The following DEPDC1B variants were observed in gnomAD, a reference collection of about 807,000 sequenced individuals.
DEPDC1B encodes DEP domain containing 1B.
In DEPDC1B, 51 loss-of-function variants were observed where a neutral mutation model predicts 66.5. The ratio of observed to expected loss-of-function variants is 0.77; its 90% confidence interval spans 0.61 to 0.97. The LOEUF is 0.97. Ranked by LOEUF, DEPDC1B falls within the 50% of genes least tolerant of loss-of-function variation. The probability of loss-of-function intolerance (pLI) is 0.00; values close to 1 mark genes in which losing one functional copy is unlikely to be tolerated. For missense variants in DEPDC1B, 552 were observed against 637.1 expected (o/e 0.87, Z 1.44); for synonymous variants, 226 against 223.6 (o/e 1.01, Z -0.10).
intron 7 of DEPDC1B, among the ~76,000 whole-genome samples, chr5:60,619,605 G>A (rs1752653166): frequency 6.6e-6 from 1 of 152,164 alleles, no homozygotes; most frequent in Non-Finnish European, 1.5e-5. Flanking sequence ...CCTCTTCAAG[G>A]AGAACTACAA....
At chr5:60,640,568 T>A (rs1427912502) in intron 6 of DEPDC1B, among the ~76,000 whole-genome samples, 1 of 152,236 alleles carries the variant, frequency 6.6e-6, no homozygotes, top group Admixed American at 6.5e-5. Context: ...GTCTATTTTT[T>A]ATTGAATCCT....
At chr5:60,678,455 A>G (rs1754221171) in intron 2 of DEPDC1B, among the ~76,000 whole-genome samples, 1 of 152,224 alleles carries the variant, frequency 6.6e-6, no homozygotes, top group African/African-American at 2.4e-5. Context: ...CATATAGTCA[A>G]TGTACTTATT....
chr5:60,660,030 A>G (rs1454341743), intron 2 of DEPDC1B, among the ~76,000 whole-genome samples: 1 of 152,204 alleles, frequency 6.6e-6, no homozygotes, highest in East Asian at 1.9e-4. Flanking sequence ...ATAATAGATC[A>G]GGATGAAAAT....
At position 60,700,111 on chromosome 5, in the gene DEPDC1B, G is replaced by T; in HGVS notation, c.-18C>A. On this transcript the variant is annotated 5_prime_UTR_variant, in exon 1 of 11. Coordinates refer to ENST00000265036, the MANE Select transcript of DEPDC1B (RefSeq NM_018369.3). ...TGCTCCATGGCGCGTAGGCAGCAGC[G>T]GCCGCAGCCGCGCCAGCGCTGATCC... The T allele has an allele frequency of 2.6e-6, 4 of 1,543,830 alleles. No individual in the cohort carries two copies. Among genetic ancestry groups the T allele is most frequent in the Non-Finnish European group, 3.5e-6 (4 of 1,147,016 alleles).
At chr5:60,683,146 T>C (rs1754335413) in intron 2 of DEPDC1B, among the ~76,000 whole-genome samples, 1 of 152,124 alleles carries the variant, frequency 6.6e-6, no homozygotes, top group Admixed American at 6.5e-5. Context: ...TATACACAAA[T>C]CTGCCAGGCA....
At chr5:60,615,482 G>A (rs1181000770) in intron 7 of DEPDC1B, among the ~76,000 whole-genome samples, 1 of 152,164 alleles carries the variant, frequency 6.6e-6, no homozygotes, top group Non-Finnish European at 1.5e-5. Flanking sequence ...TTAGCAAATG[G>A]CACACCAGGA....
intron 2 of DEPDC1B, among the ~76,000 whole-genome samples, chr5:60,667,656 CATGTATATAATGGATATTTTACAT>C (rs1471795961): frequency 3.2e-5 from 3 of 93,812 alleles, no homozygotes; most frequent in Non-Finnish European, 4.6e-5. Flanking sequence ...GGATATTTTA[CATGTATATAATGGATATTTTACAT>C]GTATATAATG....
At chr5:60,620,615 G>A (rs1752679094) in intron 7 of DEPDC1B, among the ~76,000 whole-genome samples, 1 of 152,142 alleles carries the variant, frequency 6.6e-6, no homozygotes, top group African/African-American at 2.4e-5. Context: ...AGTTAGAATG[G>A]CGATCATTAA....
chr5:60,604,691 A>C (rs1014692188), intron 8 of DEPDC1B, among the ~76,000 whole-genome samples: 2 of 152,248 alleles, frequency 1.3e-5, no homozygotes, highest in African/African-American at 2.4e-5. Flanking sequence ...ACTTACATTT[A>C]CATGTACAGA....
chr5:60,651,731 AGTT>A (rs1032071491), intron 2 of DEPDC1B, among the ~76,000 whole-genome samples: 1 of 152,134 alleles, frequency 6.6e-6, no homozygotes, highest in African/African-American at 2.4e-5. Context: ...ACAGTAAGGA[AGTT>A]GTTGTGAAAC....
chr5:60,608,833 G>C lies in DEPDC1B; in HGVS notation c.899-2977C>G, dbSNP rs1201283091. Among the ~76,000 whole-genome samples, 4 of 152,126 alleles carry C rather than the reference G, an allele frequency of 2.6e-5. No individual in the cohort carries two copies. The East Asian group carries it at 7.7e-4, about 29-fold the overall frequency. ...CTTTATGAAAATTAAATGAGGCTAG[G>C]CATGGTGGCTTACACCTATAATCTC... On this transcript the variant is annotated intron_variant, in intron 7 of 10. Transcript: ENST00000265036.
intron 2 of DEPDC1B, among the ~76,000 whole-genome samples, chr5:60,683,444 A>AG (rs1359677514): frequency 6.6e-6 from 1 of 152,170 alleles, no homozygotes; most frequent in African/African-American, 2.4e-5. Context: ...AAAGAAAGAG[A>AG]GAATGCAGTG....
intron 7 of DEPDC1B, among the ~76,000 whole-genome samples, chr5:60,632,694 C>T (rs1752952677): frequency 6.6e-6 from 1 of 152,242 alleles, no homozygotes; most frequent in African/African-American, 2.4e-5. Flanking sequence ...ATGTGACCAC[C>T]AGGGACCACT....
In DEPDC1B at chr5:60,655,463, A is replaced by G. The variant is rs559691408; in HGVS notation, c.315-7930T>C. On this transcript the variant is annotated intron_variant, in intron 2 of 10. Coordinates refer to ENST00000265036, the MANE Select transcript of DEPDC1B (RefSeq NM_018369.3). ...TGATCTTTTGTATTTATATGGTATC[A>G]GTTGTAATATTTCCCATTTTGTTTC... is the stretch of plus-strand genomic sequence containing the variant. 2.7e-5 allele frequency among the ~76,000 whole-genome samples: 4 copies of G among 149,298 alleles called. 1 individual carries two copies. Among genetic ancestry groups the G allele is most frequent in the African/African-American group, 1.0e-4 (4 of 39,740 alleles).
At chr5:60,694,762 T>C (rs1754617840) in intron 1 of DEPDC1B, among the ~76,000 whole-genome samples, 1 of 152,254 alleles carries the variant, frequency 6.6e-6, no homozygotes, top group African/African-American at 2.4e-5. Context: ...TCAGGAAAGT[T>C]AATCGATTTT....
At chr5:60,644,091 T>C (rs1753254750) in intron 5 of DEPDC1B, among the ~76,000 whole-genome samples, 1 of 152,146 alleles carries the variant, frequency 6.6e-6, no homozygotes, top group Non-Finnish European at 1.5e-5. Flanking sequence ...GAAGAACAAA[T>C]CAATGAGCCC....
chr5:60,619,171 C>T (rs1190546842), intron 7 of DEPDC1B, among the ~76,000 whole-genome samples: 1 of 152,200 alleles, frequency 6.6e-6, no homozygotes, highest in Non-Finnish European at 1.5e-5. Context: ...GACAAACCCA[C>T]AGCCAATATC....
chr5:60,677,969 CTATTGGGT>C (rs1754209343), intron 2 of DEPDC1B, among the ~76,000 whole-genome samples: 1 of 152,072 alleles, frequency 6.6e-6, no homozygotes, highest in African/African-American at 2.4e-5. Flanking sequence ...TCCAAAAGAC[CTATTGGGT>C]AGTGATGAAA....
intron 1 of DEPDC1B, among the ~76,000 whole-genome samples, chr5:60,691,281 T>G (rs551006068): frequency 6.6e-6 from 1 of 152,138 alleles, no homozygotes; most frequent in South Asian, 2.1e-4. Context: ...CTTGAACTCC[T>G]GACCTCAGGT....
Sources: gnomAD v4.1 joint callset for allele counts (sites outside exome capture counted in the v4.1 genomes callset) on GRCh38, gnomAD v4.1.1 for gene constraint, MANE v1.5 for transcripts, NCBI Gene and HGNC (gene_info 2026-07-23, HGNC 2026-07-21) for gene names.